The following PCLAF variants were observed in gnomAD, a reference collection of about 807,000 sequenced individuals.
PCLAF encodes PCNA clamp associated factor, also known as PCNA-associated factor.
In PCLAF, 12 loss-of-function variants were observed where a neutral mutation model predicts 15.1. That is an observed-to-expected ratio of 0.79 (90% CI 0.51 to 1.29). PCLAF has a LOEUF of 1.29. Among genes scored for constraint, PCLAF ranks in the 50% most tolerant of loss-of-function variants. The pLI, the probability that PCLAF is intolerant of heterozygous loss-of-function variation, is 0.00. For missense variants in PCLAF, 116 were observed against 130.9 expected, an observed-to-expected ratio of 0.89 and a Z score of 0.56; for synonymous variants, 33 against 47.1, an observed-to-expected ratio of 0.70 and a Z score of 1.22.
rs780593782 is a variant in PCLAF, at chr15:64,381,340, C to G, written c.32G>C (p.Gly11Ala). 28 of 1,614,180 alleles carry G rather than the reference C, an allele frequency of 1.7e-5. 1 individual carries two copies. In the South Asian group the frequency reaches 3.1e-4, roughly 18 times the overall value. ...GATCGCCTCACCTTTTCTGTAAGTG[C>G]CTGGAACACTGTCTGCTTTAGTCCG... MVRTKADSVPGTYRKVVAARA... is the reference protein window; with the variant it reads MVRTKADSVPATYRKVVAARA... The change falls in exon 1 of 4, where the codon GGC (glycine) becomes GCC (alanine). Residue 11 changes from glycine to alanine, a missense_variant. Coordinates refer to ENST00000300035, the MANE Select transcript of PCLAF (RefSeq NM_014736.6).
rs770953682 is a variant in PCLAF, at chr15:64,366,004, G to T, written c.*26C>A. 12 of 1,570,638 alleles carry T rather than the reference G, an allele frequency of 7.6e-6. No individual in the cohort carries two copies. The highest frequency in any genetic ancestry group is 2.3e-5 in the East Asian group (1 of 44,408). ...AGAATACCAGGGTAAACAAGGAGAC[G>T]TTATTCAAAGATGAATGAGAAAGTT... On this transcript the variant is annotated 3_prime_UTR_variant, in exon 4 of 4. Coordinates refer to ENST00000300035, the MANE Select transcript of PCLAF (RefSeq NM_014736.6).
chr15:64,373,841 C>T (rs1189327070), intron 3 of PCLAF: 3 of 1,400,980 alleles, frequency 2.1e-6, no homozygotes, highest in Non-Finnish European at 2.9e-6. Context: ...TCCCTTTCCT[C>T]CTACATCCAG....
Position 64,371,562 on chromosome 15 carries a change from A to G in PCLAF, c.290+5181T>C, listed in dbSNP as rs1447334723. Among the ~76,000 whole-genome samples, 4 of 151,958 alleles carry G rather than the reference A, an allele frequency of 2.6e-5. No individual in the cohort carries two copies. The East Asian group carries it at 7.7e-4, about 29-fold the overall frequency. On this transcript the variant is annotated intron_variant, in intron 3 of 3. Coordinates refer to ENST00000300035, the MANE Select transcript of PCLAF (RefSeq NM_014736.6). ...AGTACAGGCATGAGCCGCCGTGCCCAGCCCACCGCTTAATTTCAAGATTAA... is the reference window on the plus strand; with the variant it reads ...AGTACAGGCATGAGCCGCCGTGCCCGGCCCACCGCTTAATTTCAAGATTAA...
chr15:64,366,634 T>G (rs982612416), intron 3 of PCLAF, among the ~76,000 whole-genome samples: 1 of 151,746 alleles, frequency 6.6e-6, no homozygotes, highest in Non-Finnish European at 1.5e-5. Context: ...GCCCAAGAGT[T>G]TGAGACCAAC....
At chr15:64,383,915 CGAT>C (rs1899884075), upstream of PCLAF, among the ~76,000 whole-genome samples, 1 of 151,048 alleles carries the variant, frequency 6.6e-6, no homozygotes, top group Non-Finnish European at 1.5e-5. Context: ...TTAACACCAA[CGAT>C]GATAATGAAG....
chr15:64,381,460 C>T, upstream of PCLAF: 1 of 1,612,026 alleles, frequency 6.2e-7, no homozygotes, highest in South Asian at 1.1e-5. Context: ...ACTATCCCGC[C>T]ACAGTTTATA....
chr15:64,367,733 A>G (rs1899106852), intron 3 of PCLAF, among the ~76,000 whole-genome samples: 1 of 151,412 alleles, frequency 6.6e-6, no homozygotes, highest in Non-Finnish European at 1.5e-5. Context: ...TATTTTTAGT[A>G]GGGACGGGGT....
intron 3 of PCLAF, among the ~76,000 whole-genome samples, chr15:64,366,770 CGA>C (rs1899049700): frequency 6.6e-6 from 1 of 151,990 alleles, no homozygotes; most frequent in Non-Finnish European, 1.5e-5. Context: ...GTCAGGAATT[CGA>C]GACCAGCCTA....
chr15:64,376,687 G>T, intron 3 of PCLAF, 56 bp downstream of exon 3: 1 of 1,450,684 alleles, frequency 6.9e-7, no homozygotes, highest in Non-Finnish European at 9.4e-7. Flanking sequence ...CCAAAGTGCT[G>T]GGATTACAGG....
intron 3 of PCLAF, among the ~76,000 whole-genome samples, chr15:64,366,466 CAGAGAAAACATATAGCA>C (rs1240230314): frequency 6.6e-6 from 1 of 152,148 alleles, no homozygotes; most frequent in Non-Finnish European, 1.5e-5. Context: ...TCCACTTTAG[CAGAGAAAACATATAGCA>C]AGTTGTCCTT....
At chr15:64,387,667 G>A (rs1199832103) in exon 1 of PCLAF, 8 of 1,411,744 alleles carry the variant, frequency 5.7e-6, no homozygotes, top group African/African-American at 4.3e-5. Context: ...CGACTCCGGA[G>A]GGCACAAGGA....
In PCLAF at chr15:64,364,782, G is replaced by C. The variant is rs1166018840; in HGVS notation, c.*1248C>G. On this transcript the variant is annotated 3_prime_UTR_variant, in exon 4 of 4. Coordinates refer to ENST00000300035, the MANE Select transcript of PCLAF (RefSeq NM_014736.6). Reference sequence around the variant, plus strand: ...GCTCACTGCAACCTCCACCTCCCAGGTTCAAGCGATTCTCCTGCCTCAGCC... The same window carrying C: ...GCTCACTGCAACCTCCACCTCCCAGCTTCAAGCGATTCTCCTGCCTCAGCC... 2.0e-5 allele frequency: 3 copies of C among 150,788 alleles called. No homozygotes were observed. The highest frequency in any genetic ancestry group is 4.9e-5 in the African/African-American group (2 of 41,034). 9.3% of individuals were successfully genotyped at this position (150,788 alleles called of 1,614,324 possible).
chr15:64,372,661 A>G (rs952958138), intron 3 of PCLAF, among the ~76,000 whole-genome samples: 1 of 150,492 alleles, frequency 6.6e-6, no homozygotes, highest in African/African-American at 2.4e-5. Flanking sequence ...TGGCAAATCA[A>G]ATCCAAAGCC....
chr15:64,381,787 A>G (rs963763766), upstream of PCLAF, among the ~76,000 whole-genome samples: 1 of 152,278 alleles, frequency 6.6e-6, no homozygotes, highest in Non-Finnish European at 1.5e-5. Flanking sequence ...CTTTAAGTCC[A>G]TAATGATTGA....
intron 3 of PCLAF, among the ~76,000 whole-genome samples, chr15:64,372,863 C>T (rs1471975951): frequency 1.3e-5 from 2 of 150,134 alleles, no homozygotes; most frequent in African/African-American, 2.5e-5. Flanking sequence ...CCCAGTTACT[C>T]AAGAAAGGCA....
At chr15:64,373,088 G>T (rs1899414490) in intron 3 of PCLAF, 1 of 152,192 alleles carries the variant, frequency 6.6e-6, no homozygotes, top group Admixed American at 6.6e-5. Flanking sequence ...AATATTTATA[G>T]TAACACCTGG....
In PCLAF at chr15:64,365,681, C is replaced by A; in HGVS notation, c.*349G>T. The A allele has an allele frequency of 4.5e-6, 1 of 223,124 alleles. No individual in the cohort carries two copies. The highest frequency in any genetic ancestry group is 8.7e-6 in the Non-Finnish European group (1 of 114,428). The allele number at this position is 223,124 out of a possible 1,614,324, so 13.8% of individuals were successfully genotyped here. A position where few individuals can be genotyped will look rare whatever the true frequency, so the allele number is the denominator to read the frequency against. ...GACAATATGGCACCATTCCAATAAT[C>A]AAACACCAATAAAAATGGCAGCAGT... is the stretch of plus-strand genomic sequence containing the variant. On this transcript the variant is annotated 3_prime_UTR_variant, in exon 4 of 4. Coordinates refer to ENST00000300035, the MANE Select transcript of PCLAF (RefSeq NM_014736.6).
chr15:64,387,508 C>G, exon 1 of PCLAF: 1 of 1,300,466 alleles, frequency 7.7e-7, no homozygotes, highest in Non-Finnish European at 1.0e-6. Flanking sequence ...GATTAAAAAG[C>G]TGGCCTCTCA....
intron 2 of PCLAF, among the ~76,000 whole-genome samples, chr15:64,378,428 T>C (rs965823580): frequency 1.3e-5 from 2 of 152,204 alleles, no homozygotes; most frequent in African/African-American, 2.4e-5. Context: ...ATATTGTTTC[T>C]ACTTATTTAT....
Sources: gnomAD v4.1 joint callset for allele counts (sites outside exome capture counted in the v4.1 genomes callset) on GRCh38, gnomAD v4.1.1 for gene constraint, MANE v1.5 for transcripts, NCBI Gene and HGNC (gene_info 2026-07-23, HGNC 2026-07-21) for gene names.